Variants in BCKDHB observed in about 807,000 individuals in gnomAD.
The protein encoded by BCKDHB is branched chain keto acid dehydrogenase E1 subunit beta.
A neutral mutation model predicts 48.5 loss-of-function variants in BCKDHB; 41 were observed. The ratio of observed to expected loss-of-function variants is 0.85; its 90% confidence interval spans 0.66 to 1.10. The LOEUF (loss-of-function observed/expected upper bound fraction) is 1.10, where lower values mean the gene tolerates loss of function less well. BCKDHB is among the 50% of genes least tolerant of loss of function. The pLI, the probability that BCKDHB is intolerant of heterozygous loss-of-function variation, is 0.00. For missense variants in BCKDHB, 496 were observed against 494.2 expected (o/e 1.00, Z -0.03); for synonymous variants, 201 against 174.8 (o/e 1.15, Z -1.18).
the BCKDHB span, among the ~76,000 whole-genome samples, chr6:80,396,970 C>A: frequency 1.3e-5 from 2 of 152,126 alleles, no homozygotes; most frequent in Non-Finnish European, 2.9e-5. Flanking sequence ...GAAAAGGGGG[C>A]CCAAGTCTCA....
intron 9 of BCKDHB, among the ~76,000 whole-genome samples, chr6:80,304,550 TAC>T (rs1218317905): frequency 6.6e-6 from 1 of 152,180 alleles, no homozygotes; most frequent in African/African-American, 2.4e-5. Flanking sequence ...CAATGTTTTA[TAC>T]ACAGTGTTCT....
the BCKDHB span, among the ~76,000 whole-genome samples, chr6:80,402,402 GTCT>G: frequency 6.6e-6 from 1 of 151,654 alleles, no homozygotes; most frequent in Non-Finnish European, 1.5e-5. Context: ...TCTTTTGCAT[GTCT>G]TCTTTAGATA....
the BCKDHB span, among the ~76,000 whole-genome samples, chr6:80,429,532 G>A: frequency 6.6e-6 from 1 of 152,194 alleles, no homozygotes; most frequent in Admixed American, 6.5e-5. Flanking sequence ...ATTTGTTTGT[G>A]CCCTCTCTTA....
the BCKDHB span, among the ~76,000 whole-genome samples, chr6:80,396,533 G>C: frequency 1.9e-4 from 28 of 148,288 alleles, no homozygotes; most frequent in African/African-American, 7.1e-4. Flanking sequence ...AGATTTGGGA[G>C]GGATTGGGGT....
intron 1 of BCKDHB, among the ~76,000 whole-genome samples, chr6:80,110,453 A>G (rs2127705462): frequency 6.6e-6 from 1 of 152,172 alleles, no homozygotes; most frequent in African/African-American, 2.4e-5. Context: ...ACTGGAGTAT[A>G]CTCCCATTTC....
rs1582341919 is a variant in BCKDHB, at chr6:80,200,944, C to A, written c.753C>A (p.Val251=). Residue 251 remains valine (V), a synonymous_variant, in exon 7 of 10, where the codon GTC becomes GTA. Coordinates refer to ENST00000320393, the MANE Select transcript of BCKDHB (RefSeq NM_183050.4). ...KILYRAAAEE[V]PIEPYNIPLS... is the part of the protein sequence containing the mutation. Reference sequence around the variant, plus strand: ...CTGTTCTGTATTTAGCGGAAGAAGTCCCTATAGAACCATACAACATCCCAC... The same window carrying A: ...CTGTTCTGTATTTAGCGGAAGAAGTACCTATAGAACCATACAACATCCCAC... 2 of 1,608,812 alleles carry A rather than the reference C, an allele frequency of 1.2e-6. No individual in the cohort carries two copies. Among genetic ancestry groups the A allele is most frequent in the Non-Finnish European group, 1.7e-6 (2 of 1,175,812 alleles).
At chr6:80,180,154 C>G (rs796080690) in intron 6 of BCKDHB, among the ~76,000 whole-genome samples, 3 of 152,302 alleles carry the variant, frequency 2.0e-5, no homozygotes, top group African/African-American at 7.2e-5. Context: ...GTCATATATT[C>G]TTTATGCAGC....
chr6:80,396,635 A>T, the BCKDHB span, among the ~76,000 whole-genome samples: 2 of 152,140 alleles, frequency 1.3e-5, no homozygotes, highest in African/African-American at 4.8e-5. Context: ...CTCATGGGAG[A>T]TAATTGAATC....
At chr6:80,419,266 C>T in the BCKDHB span, among the ~76,000 whole-genome samples, 5 of 152,154 alleles carry the variant, frequency 3.3e-5, 1 homozygote, top group South Asian at 8.3e-4. Flanking sequence ...TGGGCTGTTG[C>T]GTGGCTTTAG....
intron 8 of BCKDHB, among the ~76,000 whole-genome samples, chr6:80,237,136 G>A (rs1391741971): frequency 6.6e-6 from 1 of 152,144 alleles, no homozygotes; most frequent in Admixed American, 6.5e-5. Flanking sequence ...GTTCTTTATA[G>A]TTTTGGTGGA....
At chr6:80,403,064 A>G in the BCKDHB span, among the ~76,000 whole-genome samples, 1 of 151,778 alleles carries the variant, frequency 6.6e-6, no homozygotes, top group South Asian at 2.1e-4. Flanking sequence ...TTTTTTCTCG[A>G]TAATACTGCT....
chr6:80,274,087 A>G (rs949806938), intron 9 of BCKDHB, among the ~76,000 whole-genome samples: 2 of 152,034 alleles, frequency 1.3e-5, no homozygotes, highest in African/African-American at 4.8e-5. Flanking sequence ...ATGGCTTACT[A>G]CATTGTTATA....
At chr6:80,270,416 A>G (rs1777687567) in intron 8 of BCKDHB, among the ~76,000 whole-genome samples, 1 of 152,112 alleles carries the variant, frequency 6.6e-6, no homozygotes, top group Non-Finnish European at 1.5e-5. Flanking sequence ...TGTGACAATC[A>G]TTGTTTATGA....
At chr6:80,182,124 A>G (rs956448057) in intron 6 of BCKDHB, among the ~76,000 whole-genome samples, 2 of 152,212 alleles carry the variant, frequency 1.3e-5, no homozygotes, top group Non-Finnish European at 2.9e-5. Flanking sequence ...ATCGCATGGT[A>G]GCATTTCTTG....
the BCKDHB span, among the ~76,000 whole-genome samples, chr6:80,439,748 A>T: frequency 6.6e-6 from 1 of 152,248 alleles, no homozygotes; most frequent in Non-Finnish European, 1.5e-5. Flanking sequence ...TATGCTCTAC[A>T]GCAGGGGAAA....
At chr6:80,410,840 C>T in the BCKDHB span, among the ~76,000 whole-genome samples, 269 of 152,244 alleles carry the variant, frequency 1.8e-3, no homozygotes, top group Non-Finnish European at 2.7e-3. Context: ...GTTAGCCATT[C>T]GTCTAACCTT....
At chr6:80,280,180 A>G (rs1014433050) in intron 9 of BCKDHB, among the ~76,000 whole-genome samples, 1 of 152,212 alleles carries the variant, frequency 6.6e-6, no homozygotes, top group Admixed American at 6.5e-5. Flanking sequence ...TAGATATGAC[A>G]GAGTAAAGCC....
intron 3 of BCKDHB, among the ~76,000 whole-genome samples, chr6:80,132,333 A>G (rs1770672254): frequency 6.6e-6 from 1 of 152,152 alleles, no homozygotes; most frequent in African/African-American, 2.4e-5. Context: ...AAGTTGTCAA[A>G]GGCAGCAGAT....
chr6:80,440,579 A>C, the BCKDHB span, among the ~76,000 whole-genome samples: 1 of 151,548 alleles, frequency 6.6e-6, no homozygotes, highest in Non-Finnish European at 1.5e-5. Context: ...ATGTTTGTTA[A>C]CTAAAGATGT....
Sources: gnomAD v4.1 joint callset for allele counts (sites outside exome capture counted in the v4.1 genomes callset) on GRCh38, gnomAD v4.1.1 for gene constraint, MANE v1.5 for transcripts, NCBI Gene and HGNC (gene_info 2026-07-23, HGNC 2026-07-21) for gene names.